IL7R: variants seen among roughly 807,000 people sequenced by gnomAD.
The protein encoded by IL7R is interleukin 7 receptor, also known as interleukin-7 receptor subunit alpha.
Under a neutral mutation model 47.0 loss-of-function variants are expected in IL7R, and 38 were observed. That is an observed-to-expected ratio of 0.81 (90% CI 0.62 to 1.06). The LOEUF (loss-of-function observed/expected upper bound fraction) is 1.06. IL7R is among the 50% of genes least tolerant of loss of function. The pLI, the probability that IL7R is intolerant of heterozygous loss-of-function variation, is 0.00. For missense variants in IL7R, 633 were observed against 534.8 expected (o/e 1.18, Z -1.81); for synonymous variants, 221 against 199.8 (o/e 1.11, Z -0.89).
chr5:35,866,296 G>T (rs1759937720), intron 2 of IL7R, among the ~76,000 whole-genome samples: 1 of 152,182 alleles, frequency 6.6e-6, no homozygotes, highest in African/African-American at 2.4e-5. Flanking sequence ...ATTAAAATTA[G>T]TGTGTTAGTA....
At chr5:35,863,820 G>T (rs192292696) in intron 2 of IL7R, among the ~76,000 whole-genome samples, 4 of 152,100 alleles carry the variant, frequency 2.6e-5, no homozygotes, top group African/African-American at 7.2e-5. Context: ...TTTACAATGA[G>T]AATATATACC....
At position 35,863,820 on chromosome 5, in the gene IL7R, G is replaced by A. The variant is rs192292696; in HGVS notation, c.221+2830G>A. 1.6e-4 allele frequency among the ~76,000 whole-genome samples: 24 copies of A among 152,218 alleles called. No homozygotes were observed. The East Asian group carries it at 4.4e-3, about 28-fold the overall frequency. The stretch of plus-strand genomic sequence containing the variant: ...TACTTTTATTCTACCTTTACAATGA[G>A]AATATATACCTTTGTTACTTCTTTA... On this transcript the variant is annotated intron_variant, in intron 2 of 7. Transcript: ENST00000303115.
Position 35,876,892 on chromosome 5 carries a change from T to C in IL7R, c.*406T>C. 3.4e-6 allele frequency: 1 copy of C among 297,752 alleles called. No homozygotes were observed. The highest frequency in any genetic ancestry group is 6.4e-6 in the Non-Finnish European group (1 of 157,192). The allele number at this position is 297,752 out of a possible 1,614,324, so 18.4% of individuals were successfully genotyped here. ...TAATATATATCCAGTGCTTTGCAAGTGCTCTGCGCACCTTGTCTCACTCCA... is the reference window on the plus strand; with the variant it reads ...TAATATATATCCAGTGCTTTGCAAGCGCTCTGCGCACCTTGTCTCACTCCA... On this transcript the variant is annotated 3_prime_UTR_variant, in exon 8 of 8. Transcript: ENST00000303115.
At position 35,879,276 on chromosome 5, in the gene IL7R, C is replaced by T. The variant is rs917614849; in HGVS notation, c.*2790C>T. On this transcript the variant is annotated 3_prime_UTR_variant, in exon 8 of 8. Transcript: ENST00000303115. Reference sequence around the variant, plus strand: ...TCAATGTGGTTTCCATGGGAATTTGCTTCAGAAAAGCCAAGTATGGGCTGT... The same window carrying T: ...TCAATGTGGTTTCCATGGGAATTTGTTTCAGAAAAGCCAAGTATGGGCTGT... 6 of 232,682 alleles carry T rather than the reference C, an allele frequency of 2.6e-5. No homozygotes were observed. The allele number at this position is 232,682 out of a possible 1,614,324, so 14.4% of individuals were successfully genotyped here.
chr5:35,863,917 T>C (rs1389830), intron 2 of IL7R, among the ~76,000 whole-genome samples: 108,438 of 151,932 alleles, frequency 0.71, 39,739 homozygotes, highest in African/African-American at 0.87. Flanking sequence ...GTAAAATTTA[T>C]GTGTGGTAAA....
At chr5:35,875,764 G>A in intron 7 of IL7R, 177 bp downstream of exon 7, 2 of 759,546 alleles carry the variant, frequency 2.6e-6, no homozygotes, top group Admixed American at 2.1e-5. Flanking sequence ...ACACATCTCA[G>A]AACTTCTGGG....
intron 3 of IL7R, among the ~76,000 whole-genome samples, chr5:35,869,422 A>C (rs1257879832): frequency 6.6e-6 from 1 of 152,212 alleles, no homozygotes; most frequent in Admixed American, 6.5e-5. Context: ...CACGAGGACC[A>C]GCCGTTGTGA....
chr5:35,860,872 C>T lies in IL7R; in HGVS notation c.103C>T (p.Leu35=). Residue 35 remains leucine, a synonymous_variant, in exon 2 of 8, where the codon CTG becomes TTG. Transcript: ENST00000303115. ...AQNGDLEDAE[L]DDYSFSCYSQ... ...CCCAGGAGACTTGGAAGATGCAGAA[C>T]TGGATGACTACTCATTCTCATGCTA... 6.2e-7 allele frequency: 1 copy of T among 1,613,590 alleles called. No homozygotes were observed. The highest frequency in any genetic ancestry group is 1.1e-5 in the South Asian group (1 of 91,078).
At position 35,876,207 on chromosome 5, in the gene IL7R, C is replaced by A. The variant is rs1166090334; in HGVS notation, c.1101C>A (p.Leu367=). The part of the protein sequence containing the change: ...TPESFGRDSS[L]TCLAGNVSAC... ...AAAGCTTTGGAAGAGATTCATCCCT[C>A]ACATGCCTGGCTGGGAATGTCAGTG... The change falls in exon 8 of 8, where the codon CTC becomes CTA. Residue 367 remains leucine, a synonymous_variant. Transcript: ENST00000303115. 6.2e-7 allele frequency: 1 copy of A among 1,614,092 alleles called. No homozygotes were observed. The highest frequency in any genetic ancestry group is 1.3e-5 in the African/African-American group (1 of 74,938).
At chr5:35,873,762 G>A (rs1474350000) in intron 5 of IL7R, 114 bp downstream of exon 5, 1 of 949,344 alleles carries the variant, frequency 1.1e-6, no homozygotes, top group Non-Finnish European at 1.7e-6. Flanking sequence ...CACCCTTGGA[G>A]GGCACTCTTA....
At chr5:35,871,397 GCTCTGGT>G in intron 4 of IL7R, among the ~76,000 whole-genome samples, 184 bp downstream of exon 4, 1 of 152,260 alleles carries the variant, frequency 6.6e-6, no homozygotes, top group African/African-American at 2.4e-5. Flanking sequence ...TACTCTTCTA[GCTCTGGT>G]TGTTTTCTTC....
chr5:35,861,133 C>A, intron 2 of IL7R, 143 bp downstream of exon 2: 1 of 869,170 alleles, frequency 1.2e-6, no homozygotes, highest in Non-Finnish European at 1.9e-6. Context: ...CCTCCTGAAA[C>A]TCCTTGTCCT....
At chr5:35,870,176 G>A (rs1451348280) in intron 3 of IL7R, among the ~76,000 whole-genome samples, 4 of 152,192 alleles carry the variant, frequency 2.6e-5, no homozygotes, top group African/African-American at 9.6e-5. Context: ...CCAGGACAGG[G>A]AAGTCTCAGG....
chr5:35,862,690 A>G (rs1759849598), intron 2 of IL7R, among the ~76,000 whole-genome samples: 1 of 152,080 alleles, frequency 6.6e-6, no homozygotes, highest in Non-Finnish European at 1.5e-5. Flanking sequence ...TTCATTCTCA[A>G]AATCATGGGA....
intron 2 of IL7R, 121 bp downstream of exon 2, chr5:35,861,111 A>T: frequency 9.1e-7 from 1 of 1,104,260 alleles, no homozygotes. Context: ...ACATCTAAGG[A>T]ATTCCCAAAG....
chr5:35,878,865 T>C lies in IL7R; in HGVS notation c.*2379T>C, dbSNP rs889123396. ...ATGACCATAGAAAAACATCGAGATA[T>C]CTCCAGCTCTAAAATCCTTTGTTTC... On this transcript the variant is annotated 3_prime_UTR_variant, in exon 8 of 8. Transcript: ENST00000303115. 3 of 232,928 alleles carry C rather than the reference T, an allele frequency of 1.3e-5. No individual in the cohort carries two copies. The highest frequency in any genetic ancestry group is 2.5e-5 in the Non-Finnish European group (3 of 117,926). The allele number at this position is 232,928 out of a possible 1,614,324, so 14.4% of individuals were successfully genotyped here. A position where few individuals can be genotyped will look rare whatever the true frequency, so the allele number is the denominator to read the frequency against.
chr5:35,870,916 G>T (rs1332091147), intron 3 of IL7R, 140 bp from the exon 4 acceptor site: 3 of 748,248 alleles, frequency 4.0e-6, no homozygotes, highest in African/African-American at 3.5e-5. Flanking sequence ...AACCCAAGAA[G>T]AAGAAATGGT....
rs576269217 is a variant in IL7R at position 35,876,544 on chromosome 5, G to C, written c.*58G>C. 2 of 1,566,212 alleles carry C rather than the reference G, an allele frequency of 1.3e-6. No individual in the cohort carries two copies. Among genetic ancestry groups the C allele is most frequent in the Non-Finnish European group, 1.7e-6 (2 of 1,150,812 alleles). On this transcript the variant is annotated 3_prime_UTR_variant, in exon 8 of 8. Transcript: ENST00000303115. Reference sequence around the variant, plus strand: ...GCGACAAAGATGATTTAAAAGGGAAGTCTAGAGTTCCTAGTCTCCCTCACA... The same window carrying C: ...GCGACAAAGATGATTTAAAAGGGAACTCTAGAGTTCCTAGTCTCCCTCACA...
chr5:35,870,719 C>G (rs1325449818), intron 3 of IL7R, among the ~76,000 whole-genome samples: 1 of 152,124 alleles, frequency 6.6e-6, no homozygotes, highest in East Asian at 1.9e-4. Context: ...ATTAGGGGCA[C>G]TTTCCATCTT....
Sources: gnomAD v4.1 joint callset for allele counts (sites outside exome capture counted in the v4.1 genomes callset) on GRCh38, gnomAD v4.1.1 for gene constraint, MANE v1.5 for transcripts, NCBI Gene and HGNC (gene_info 2026-07-23, HGNC 2026-07-21) for gene names.